SPON2: variants seen among roughly 807,000 people sequenced by gnomAD.
SPON2 encodes spondin 2, also known as spondin-2.
In SPON2, 32 loss-of-function variants were observed where a neutral mutation model predicts 29.9. The observed-to-expected ratio is 1.07, with a 90% CI of 0.81 to 1.44. The LOEUF is 1.44. Ranked by LOEUF, SPON2 falls within the 40% of genes most tolerant of loss-of-function variation. SPON2 has a pLI of 0.00. For synonymous variants in SPON2, 248 were observed against 209.1 expected, an observed-to-expected ratio of 1.19 and a Z score of -1.61; for missense variants, 541 against 455.5, an observed-to-expected ratio of 1.19 and a Z score of -1.71.
intron 1 of SPON2, chr4:1,200,848 G>A (rs1395966021): frequency 2.4e-5 from 11 of 456,604 alleles, no homozygotes; most frequent in Non-Finnish European, 3.1e-5. Flanking sequence ...CAAGTCTGCA[G>A]TGTCCTCAAT....
At chr4:1,170,720 CCAT>C in intron 4 of SPON2, 144 bp from the exon 5 acceptor site, 1 of 1,111,014 alleles carries the variant, frequency 9.0e-7, no homozygotes, top group Non-Finnish European at 1.3e-6. Context: ...CTCCTCTCAG[CCAT>C]CCCACGGAAC....
At chr4:1,205,913 C>T (rs1210228012) in intron 1 of SPON2, among the ~76,000 whole-genome samples, 6 of 152,152 alleles carry the variant, frequency 3.9e-5, no homozygotes, top group African/African-American at 9.7e-5. Context: ...GGGTTGGGGC[C>T]GCAGGAAGCC....
intron 2 of SPON2, 62 bp downstream of exon 2, chr4:1,171,790 G>T (rs1350227588): frequency 1.3e-5 from 15 of 1,119,028 alleles, no homozygotes; most frequent in Admixed American, 8.5e-5. Flanking sequence ...GCAGCTGTGC[G>T]GGGGGCTCCG....
At chr4:1,177,963 G>T (rs573287998), upstream of SPON2, among the ~76,000 whole-genome samples, 1 of 152,104 alleles carries the variant, frequency 6.6e-6, no homozygotes, top group Non-Finnish European at 1.5e-5. Context: ...AAAGTCCTGT[G>T]TTTGCCAGCC....
chr4:1,173,067 C>G (rs1727517669), upstream of SPON2: 1 of 151,970 alleles, frequency 6.6e-6, no homozygotes, highest in Admixed American at 6.6e-5. Flanking sequence ...GGCAGAGGGG[C>G]TCTTGTTTTC....
rs774887529 is a variant in SPON2 at position 1,167,571 on chromosome 4, C to G, written c.897G>C (p.Lys299Asn). Residue 299 changes from lysine (K) to asparagine (N), a missense_variant, in exon 6 of 6, where the codon AAG (lysine) becomes AAC (asparagine). By Grantham distance (94) the Lys-to-Asn change is moderately conservative. Coordinates refer to ENST00000290902, the MANE Select transcript of SPON2 (RefSeq NM_012445.4). ...CGGHCGRLGT[K>N]SRTRYVRVQP... The stretch of plus-strand genomic sequence containing the variant: ...GGACCCGGACGTAGCGAGTCCTGCT[C>G]TTGGTCCCGAGCCTCCCACAGTGGC... The G allele has an allele frequency of 2.5e-6, 4 of 1,613,608 alleles. No individual in the cohort carries two copies. Among genetic ancestry groups the G allele is most frequent in the Non-Finnish European group, 3.4e-6 (4 of 1,180,000 alleles).
chr4:1,204,490 C>T (rs544995734), intron 1 of SPON2, among the ~76,000 whole-genome samples: 73 of 152,298 alleles, frequency 4.8e-4, no homozygotes, highest in Middle Eastern at 3.4e-3. Context: ...GTAATGCCTG[C>T]GTGTTCACCG....
intron 1 of SPON2, among the ~76,000 whole-genome samples, chr4:1,186,031 T>C (rs1280383545): frequency 4.9e-3 from 742 of 150,054 alleles, no homozygotes; most frequent in Non-Finnish European, 7.4e-3. Context: ...GATCACGAGG[T>C]CAGGAGATCG....
chr4:1,171,089 C>T lies in SPON2; in HGVS notation c.546G>A (p.Leu182=), dbSNP rs1173557924. Residue 182 remains leucine, a synonymous_variant, in exon 4 of 6, where the codon CTG becomes CTA. Coordinates refer to ENST00000290902, the MANE Select transcript of SPON2 (RefSeq NM_012445.4). ...DGDRWREQAA[L]DLYPYDAGTD... is the part of the protein sequence containing the mutation. The stretch of plus-strand genomic sequence containing the variant: ...TCCCGGCGTCGTAGGGGTACAGGTC[C>T]AGCGCCGCCTGTTCCCGCCAACGGT... The T allele has an allele frequency of 1.9e-6, 3 of 1,550,278 alleles. No homozygotes were observed. The highest frequency in any genetic ancestry group is 1.7e-6 in the Non-Finnish European group (2 of 1,146,760).
chr4:1,205,935 G>C (rs773474905), intron 1 of SPON2, among the ~76,000 whole-genome samples: 1 of 152,116 alleles, frequency 6.6e-6, no homozygotes, highest in Non-Finnish European at 1.5e-5. Context: ...TGCTCCGCCC[G>C]ATGCCCACCC....
intron 1 of SPON2, among the ~76,000 whole-genome samples, chr4:1,186,159 G>C (rs774379143): frequency 1.8e-4 from 27 of 150,630 alleles, no homozygotes; most frequent in Non-Finnish European, 3.7e-4. Flanking sequence ...CAGGAGAATG[G>C]TGTGAACCTG....
chr4:1,192,167 C>A (rs1014332296), intron 1 of SPON2, among the ~76,000 whole-genome samples: 1 of 152,264 alleles, frequency 6.6e-6, no homozygotes, highest in African/African-American at 2.4e-5. Context: ...GTTTCTTCCT[C>A]TGCAGAGTGT....
chr4:1,195,045 GC>G (rs1560210782), exon 1 of SPON2: 265 of 22,546 alleles, frequency 0.012, 4 homozygotes, highest in Middle Eastern at 0.029. Context: ...GCAGCCGGCG[GC>G]TCCAACCCCG....
At chr4:1,170,206 A>G in intron 5 of SPON2, 196 bp downstream of exon 5, 1 of 629,586 alleles carries the variant, frequency 1.6e-6, no homozygotes. Flanking sequence ...AGATGCTTTC[A>G]ACTGCAAATA....
In SPON2 at chr4:1,167,180, T is replaced by TTAGAG; in HGVS notation, c.*287_*291dup. The TTAGAG allele has an allele frequency of 2.6e-6, 1 of 388,336 alleles. No individual in the cohort carries two copies. Among genetic ancestry groups the TTAGAG allele is most frequent in the Non-Finnish European group, 4.7e-6 (1 of 214,230 alleles). The allele number at this position is 388,336 out of a possible 1,614,324, so 24.1% of individuals were successfully genotyped here. On this transcript the variant is annotated 3_prime_UTR_variant, in exon 6 of 6. Transcript: ENST00000290902. ...GCAATAACTTATAAGGAGACATAAT[T>TTAGAG]TAGAGTAGCTGGAGCCTTGGGGATG...
chr4:1,175,070 G>T (rs979691896), upstream of SPON2, among the ~76,000 whole-genome samples: 2 of 152,228 alleles, frequency 1.3e-5, no homozygotes, highest in African/African-American at 2.4e-5. Flanking sequence ...GGCTGGACTC[G>T]AATCCACAGG....
chr4:1,205,530 C>T (rs532082633), intron 1 of SPON2, among the ~76,000 whole-genome samples: 5 of 152,314 alleles, frequency 3.3e-5, no homozygotes, highest in East Asian at 1.9e-4. Flanking sequence ...GGGTTAAAAA[C>T]GAGGATCCTG....
intron 5 of SPON2, chr4:1,168,270 G>A (rs1727312327): frequency 1.3e-5 from 2 of 152,294 alleles, no homozygotes; most frequent in Non-Finnish European, 2.9e-5. Flanking sequence ...CCAGCCAGAT[G>A]GACAGTGTTT....
chr4:1,186,043 G>A lies in SPON2; in HGVS notation c.-238-6502C>T, dbSNP rs369005578. ...GCGGATCACGAGGTCAGGAGATCGA[G>A]ACCATCCTGGCTAACACGGTGAAAC... On this transcript the variant is annotated intron_variant, in intron 1 of 3. Coordinates refer to the SPON2 transcript ENST00000502483. 2.8e-4 allele frequency among the ~76,000 whole-genome samples: 42 copies of A among 150,190 alleles called. 1 individual carries two copies. The East Asian group carries it at 4.4e-3, about 16-fold the overall frequency.
Sources: gnomAD v4.1 joint callset for allele counts (sites outside exome capture counted in the v4.1 genomes callset) on GRCh38, gnomAD v4.1.1 for gene constraint, MANE v1.5 for transcripts, NCBI Gene and HGNC (gene_info 2026-07-23, HGNC 2026-07-21) for gene names.